Variants in HHLA1 observed in about 807,000 individuals in gnomAD.
HHLA1 encodes the protein HERV-H LTR-associating protein 1.
Under a neutral mutation model 69.9 loss-of-function variants are expected in HHLA1, and 72 were observed. The observed-to-expected ratio is 1.03, with a 90% CI of 0.85 to 1.25. HHLA1 has a LOEUF of 1.25. HHLA1 is among the 50% of genes most tolerant of loss of function. HHLA1 has a pLI of 0.00. For missense variants in HHLA1, 685 were observed against 642.2 expected (o/e 1.07, Z -0.72); for synonymous variants, 252 against 233.2 (o/e 1.08, Z -0.73).
At position 132,078,199 on chromosome 8, in the gene HHLA1, C is replaced by T. The variant is rs1823681293; in HGVS notation, c.926-228G>A. On this transcript the variant is annotated intron_variant, in intron 11 of 16. Coordinates refer to ENST00000414222, the MANE Select transcript of HHLA1 (RefSeq NM_001145095.3). ...ACACACACACACACACACACACACA[C>T]ACACACACACACAACCTCTAAATCT... Among the ~76,000 whole-genome samples, 2 of 151,830 alleles carry T rather than the reference C, an allele frequency of 1.3e-5. 1 individual carries two copies. The highest frequency in any genetic ancestry group is 4.2e-4 in the South Asian group (2 of 4,786).
intron 14 of HHLA1, among the ~76,000 whole-genome samples, chr8:132,075,470 A>G (rs990410564): frequency 4.6e-5 from 7 of 152,228 alleles, no homozygotes; most frequent in Non-Finnish European, 1.0e-4. Flanking sequence ...CTCTGTCAGG[A>G]GTTCTGAAAA....
intron 15 of HHLA1, 80 bp from the exon 16 acceptor site, chr8:132,066,048 C>T (rs1823432767): frequency 3.6e-6 from 2 of 556,544 alleles, no homozygotes; most frequent in Non-Finnish European, 3.2e-6. Flanking sequence ...TAAAGGTAAG[C>T]ACATAAACAT....
intron 7 of HHLA1, among the ~76,000 whole-genome samples, chr8:132,091,758 G>A (rs868149749): frequency 2.0e-5 from 3 of 152,174 alleles, no homozygotes; most frequent in Admixed American, 1.3e-4. Flanking sequence ...TGGCACATGT[G>A]AGTGGGAAAA....
intron 14 of HHLA1, among the ~76,000 whole-genome samples, chr8:132,074,713 A>G (rs1449581083): frequency 6.6e-6 from 1 of 152,222 alleles, no homozygotes; most frequent in Non-Finnish European, 1.5e-5. Flanking sequence ...ATGGATAGGC[A>G]AATATCTATG....
chr8:132,093,586 G>T (rs16904589), intron 7 of HHLA1, among the ~76,000 whole-genome samples: 18,582 of 152,146 alleles, frequency 0.12, 1,327 homozygotes, highest in East Asian at 0.22. Flanking sequence ...AAGTTGCTAT[G>T]ACCTACCAGA....
chr8:132,101,344 A>G, intron 3 of HHLA1: 1 of 1,512,576 alleles, frequency 6.6e-7, no homozygotes, highest in South Asian at 1.3e-5. Context: ...TAACATCCTT[A>G]GAAATCATCT....
chr8:132,108,295 A>T (rs1824239545), intron 1 of HHLA1, among the ~76,000 whole-genome samples: 1 of 152,222 alleles, frequency 6.6e-6, no homozygotes, highest in African/African-American at 2.4e-5. Flanking sequence ...TAATGGCGAA[A>T]ACCTCAATTA....
intron 3 of HHLA1, chr8:132,101,233 T>C (rs770118240): frequency 3.2e-6 from 5 of 1,550,516 alleles, no homozygotes; most frequent in Middle Eastern, 1.7e-4. Flanking sequence ...TGCCCGGGAA[T>C]GTCCCATCTT....
intron 11 of HHLA1, among the ~76,000 whole-genome samples, chr8:132,079,408 A>C (rs749668150): frequency 9.9e-5 from 15 of 152,256 alleles, no homozygotes; most frequent in Non-Finnish European, 1.9e-4. Flanking sequence ...GCATTGAAGG[A>C]GGCTGGGTGA....
intron 1 of HHLA1, among the ~76,000 whole-genome samples, chr8:132,105,725 C>G (rs1824193514): frequency 6.6e-6 from 1 of 152,304 alleles, no homozygotes; most frequent in Non-Finnish European, 1.5e-5. Context: ...ACTTATATGA[C>G]CCTGCATTAT....
At chr8:132,082,534 C>T (rs1411517562) in intron 10 of HHLA1, among the ~76,000 whole-genome samples, 1 of 151,924 alleles carries the variant, frequency 6.6e-6, no homozygotes, top group Non-Finnish European at 1.5e-5. Context: ...GAGAATTATG[C>T]CGAGATAGGT....
intron 10 of HHLA1, among the ~76,000 whole-genome samples, chr8:132,082,671 G>A (rs1056911893): frequency 3.9e-5 from 6 of 152,164 alleles, no homozygotes; most frequent in African/African-American, 1.4e-4. Context: ...TGAAAGCAAA[G>A]AGAGGCTGGG....
In HHLA1 at chr8:132,077,741, C is replaced by A. The variant is rs1286285330; in HGVS notation, c.1156G>T (p.Ala386Ser). 6.4e-7 allele frequency: 1 copy of A among 1,551,608 alleles called. No individual in the cohort carries two copies. The highest frequency in any genetic ancestry group is 2.4e-5 in the East Asian group (1 of 40,922). The change falls in exon 12 of 17, where the codon GCC becomes TCC. Residue 386 changes from alanine (A) to serine (S), a missense_variant. Coordinates refer to ENST00000414222, the MANE Select transcript of HHLA1 (RefSeq NM_001145095.3). ...IMATPGSPSQ[A>S]SPTLGAFTHG... ...CCTCTCTTACCCAAGGTAGGGCTGG[C>A]CTGGGATGGGCTGCCAGGTGTGGCC... is the stretch of plus-strand genomic sequence containing the variant.
rs181410119 is a variant in HHLA1, at chr8:132,098,422, G to A, written c.280+460C>T. ...CTCAAAATTCTTGTAAACCTTCTAC[G>A]TCATTTTGAGTAAGGTAGGACAATG... is the stretch of plus-strand genomic sequence containing the variant. On this transcript the variant is annotated intron_variant, in intron 5 of 16. Coordinates refer to ENST00000414222, the MANE Select transcript of HHLA1 (RefSeq NM_001145095.3). Among the ~76,000 whole-genome samples the A allele has an allele frequency of 1.9e-3, 285 of 152,188 alleles. 2 individuals are homozygous for A. Among genetic ancestry groups the A allele is most frequent in the African/African-American group, 6.6e-3 (273 of 41,530 alleles).
chr8:132,075,452 T>C (rs1823618419), intron 14 of HHLA1, among the ~76,000 whole-genome samples: 2 of 152,094 alleles, frequency 1.3e-5, no homozygotes, highest in African/African-American at 4.8e-5. Context: ...GCAACTCAAG[T>C]CCTCAGCCTC....
chr8:132,084,183 C>A (rs1185634513), intron 10 of HHLA1, among the ~76,000 whole-genome samples: 3 of 151,906 alleles, frequency 2.0e-5, no homozygotes, highest in African/African-American at 7.3e-5. Context: ...AGTCAGGGAA[C>A]GAAACTGTAA....
At chr8:132,065,134 C>T (rs1380847605) in intron 16 of HHLA1, among the ~76,000 whole-genome samples, 1 of 152,138 alleles carries the variant, frequency 6.6e-6, no homozygotes, top group Non-Finnish European at 1.5e-5. Context: ...TAAAAAAAAG[C>T]TGATACTGGA....
Position 132,105,289 on chromosome 8 carries a change from G to A in HHLA1, c.-21-3C>T, listed in dbSNP as rs1266934999. On this transcript the variant is annotated splice_region_variant and splice_polypyrimidine_tract_variant and intron_variant, in intron 1 of 16. Coordinates refer to ENST00000414222, the MANE Select transcript of HHLA1 (RefSeq NM_001145095.3). ...ATGCTTGTGATACTCTGGCCCACCTGGAATGAAGCAAGCAAACACTTAGGA... is the reference window on the plus strand; with the variant it reads ...ATGCTTGTGATACTCTGGCCCACCTAGAATGAAGCAAGCAAACACTTAGGA... 1 of 1,542,276 alleles carries A rather than the reference G, an allele frequency of 6.5e-7. No homozygotes were observed. The highest frequency in any genetic ancestry group is 1.4e-5 in the African/African-American group (1 of 72,926).
At chr8:132,104,518 G>A (rs1239048156) in intron 2 of HHLA1, among the ~76,000 whole-genome samples, 4 of 152,166 alleles carry the variant, frequency 2.6e-5, no homozygotes, top group African/African-American at 9.7e-5. Context: ...TCCCTGAGAG[G>A]GGGCGTTGAG....
Sources: gnomAD v4.1 joint callset for allele counts (sites outside exome capture counted in the v4.1 genomes callset) on GRCh38, gnomAD v4.1.1 for gene constraint, MANE v1.5 for transcripts, NCBI Gene and HGNC (gene_info 2026-07-23, HGNC 2026-07-21) for gene names.